Variants in MARCHF4 observed in about 807,000 individuals in gnomAD.
MARCHF4 encodes membrane associated ring-CH-type finger 4.
In MARCHF4, 14 loss-of-function variants were observed where a neutral mutation model predicts 43.9. That is an observed-to-expected ratio of 0.32 (90% CI 0.21 to 0.50). MARCHF4 has a LOEUF of 0.50. Among genes scored for constraint, MARCHF4 ranks in the 20% least tolerant of loss-of-function variants. MARCHF4 has a pLI of 0.98. For missense variants in MARCHF4, 468 were observed against 536.7 expected, an observed-to-expected ratio of 0.87 and a Z score of 1.27; for synonymous variants, 226 against 213.3, an observed-to-expected ratio of 1.06 and a Z score of -0.52.
In MARCHF4 at chr2:216,326,944, T is replaced by C. The variant is rs567876736; in HGVS notation, c.516+42801A>G. Among the ~76,000 whole-genome samples, 480 of 152,164 alleles carry C rather than the reference T, an allele frequency of 3.2e-3. 1 individual carries two copies. The highest frequency in any genetic ancestry group is 0.011 in the African/African-American group (457 of 41,454). Reference sequence around the variant, plus strand: ...ACCTGCACATTGTGCACATGCACCCTAAAACTTAAAGTATAATAATAAAAA... The same window carrying C: ...ACCTGCACATTGTGCACATGCACCCCAAAACTTAAAGTATAATAATAAAAA... On this transcript the variant is annotated intron_variant, in intron 1 of 3. Transcript: ENST00000273067.
chr2:216,284,913 G>A (rs1435288301), intron 1 of MARCHF4, among the ~76,000 whole-genome samples: 2 of 152,174 alleles, frequency 1.3e-5, no homozygotes, highest in African/African-American at 2.4e-5. Flanking sequence ...CCTACTGGGA[G>A]TGGTCCCTGA....
At position 216,369,722 on chromosome 2, in the gene MARCHF4, GGAGAA is replaced by G. The variant is rs776075142; in HGVS notation, c.516+18_516+22del. The G allele has an allele frequency of 6.5e-7, 1 of 1,533,660 alleles. No homozygotes were observed. The highest frequency in any genetic ancestry group is 2.0e-5 in the Admixed American group (1 of 50,110). On this transcript the variant is annotated intron_variant, in intron 1 of 3. Transcript: ENST00000273067. The stretch of plus-strand genomic sequence containing the variant: ...AGACCTGAAAATACCACAGGAAGCA[GGAGAA>G]GAGAAAAGGGGACTCACCTGTTCTG...
chr2:216,327,571 G>A (rs2105967853), intron 1 of MARCHF4, among the ~76,000 whole-genome samples: 1 of 152,182 alleles, frequency 6.6e-6, no homozygotes, highest in Middle Eastern at 3.4e-3. Context: ...ACCTCTCTCA[G>A]TCACCTGTTT....
intron 3 of MARCHF4, among the ~76,000 whole-genome samples, chr2:216,268,452 G>A (rs1342288051): frequency 2.0e-5 from 3 of 152,192 alleles, no homozygotes; most frequent in Non-Finnish European, 4.4e-5. Flanking sequence ...CCCCCATGCT[G>A]TTCTTGTGAT....
At chr2:216,341,542 T>G (rs554287418) in intron 1 of MARCHF4, among the ~76,000 whole-genome samples, 2 of 152,304 alleles carry the variant, frequency 1.3e-5, no homozygotes, top group Admixed American at 1.3e-4. Context: ...GAGAGGAAAC[T>G]AATGGTTTTA....
chr2:216,336,978 C>A (rs140624359), intron 1 of MARCHF4, among the ~76,000 whole-genome samples: 2,776 of 151,388 alleles, frequency 0.018, 77 homozygotes, highest in African/African-American at 0.063. Flanking sequence ...AAGGTGAAAC[C>A]CCGTCTCTAC....
Position 216,369,859 on chromosome 2 carries a change from G to A in MARCHF4, c.402C>T (p.Ala134=), listed in dbSNP as rs553322627. Residue 134 remains alanine, a synonymous_variant, in exon 1 of 4, where the codon GCC becomes GCT. Transcript: ENST00000273067. ...TEPPASLLSS[A]SSDDFCKEKT... is the part of the protein sequence containing the mutation. The stretch of plus-strand genomic sequence containing the variant: ...TCTCCTTACAGAAGTCATCTGAGGA[G>A]GCACTGCTGAGCAGCGAGGCAGGTG... 1.9e-6 allele frequency: 3 copies of A among 1,614,078 alleles called. No individual in the cohort carries two copies. The South Asian group carries it at 3.3e-5, about 18-fold the overall frequency.
In MARCHF4 at chr2:216,293,920, C is replaced by CTAAATCA. The variant is rs1691352372; in HGVS notation, c.517-10192_517-10191insTGATTTA. Among the ~76,000 whole-genome samples the CTAAATCA allele has an allele frequency of 4.3e-5, 4 of 93,210 alleles. 1 individual carries two copies. In the South Asian group the frequency reaches 1.3e-3, roughly 30 times the overall value. 61.1% of individuals were successfully genotyped at this position (93,210 alleles called of 152,430 possible). On this transcript the variant is annotated intron_variant, in intron 1 of 3. Transcript: ENST00000273067. ...TACATTTATAATCATATCTGTATTT[C>CTAAATCA]TAATGACCTAAATGTGTAATATACT...
chr2:216,319,364 C>T (rs79655187), intron 1 of MARCHF4, among the ~76,000 whole-genome samples: 9,881 of 152,032 alleles, frequency 0.065, 1,082 homozygotes, highest in African/African-American at 0.23. Context: ...GGGCAATGGA[C>T]AGGGGGTGCT....
intron 2 of MARCHF4, among the ~76,000 whole-genome samples, chr2:216,282,879 T>C (rs1469269540): frequency 2.0e-5 from 3 of 152,216 alleles, no homozygotes; most frequent in African/African-American, 7.2e-5. Flanking sequence ...CCCATTTTTC[T>C]CTGCCTCCCT....
At chr2:216,328,941 G>A (rs1215213210) in intron 1 of MARCHF4, among the ~76,000 whole-genome samples, 1 of 152,130 alleles carries the variant, frequency 6.6e-6, no homozygotes, top group East Asian at 1.9e-4. Context: ...TGGAGGCTGA[G>A]GCACAAGAAT....
chr2:216,329,355 T>C (rs1054938432), intron 1 of MARCHF4, among the ~76,000 whole-genome samples: 1 of 152,144 alleles, frequency 6.6e-6, no homozygotes, highest in Non-Finnish European at 1.5e-5. Context: ...GACTCCAGCC[T>C]GGGTGACAGA....
intron 1 of MARCHF4, among the ~76,000 whole-genome samples, chr2:216,295,930 G>A (rs1445831253): frequency 6.6e-6 from 1 of 152,204 alleles, no homozygotes; most frequent in Admixed American, 6.5e-5. Flanking sequence ...GGTGGATCAC[G>A]TGGTCAGGAG....
intron 1 of MARCHF4, among the ~76,000 whole-genome samples, chr2:216,353,664 C>T (rs1471118544): frequency 6.6e-6 from 1 of 152,228 alleles, no homozygotes; most frequent in Non-Finnish European, 1.5e-5. Flanking sequence ...TCTCTTGCCT[C>T]AGCCTCCTGA....
intron 1 of MARCHF4, among the ~76,000 whole-genome samples, chr2:216,363,121 C>A (rs1360499350): frequency 6.6e-6 from 1 of 152,172 alleles, no homozygotes; most frequent in Non-Finnish European, 1.5e-5. Context: ...CAGTATCTCT[C>A]CTTTTTCTCT....
intron 3 of MARCHF4, among the ~76,000 whole-genome samples, chr2:216,265,147 G>A (rs1690824255): frequency 6.6e-6 from 1 of 152,188 alleles, no homozygotes; most frequent in Admixed American, 6.5e-5. Context: ...AAGGCTGCTG[G>A]TGAACAGAGG....
At chr2:216,351,412 A>G (rs186194648) in intron 1 of MARCHF4, 2 of 152,724 alleles carry the variant, frequency 1.3e-5, no homozygotes, top group Admixed American at 6.5e-5. Context: ...TGGCTGGTCC[A>G]AGTGCAGTGG....
chr2:216,319,176 C>A (rs992159096), intron 1 of MARCHF4, among the ~76,000 whole-genome samples: 4 of 151,930 alleles, frequency 2.6e-5, no homozygotes, highest in African/African-American at 9.7e-5. Flanking sequence ...AGTGTGGTGG[C>A]GGGTGCCTGT....
intron 1 of MARCHF4, among the ~76,000 whole-genome samples, chr2:216,291,940 T>C (rs965226577): frequency 6.6e-6 from 1 of 152,218 alleles, no homozygotes; most frequent in African/African-American, 2.4e-5. Context: ...CTCTGCCCAT[T>C]GCAGTGACTC....
Sources: allele counts gnomAD v4.1 joint callset (sites outside exome capture counted in the v4.1 genomes callset), GRCh38; gene constraint gnomAD v4.1.1; transcripts MANE v1.5; gene names NCBI Gene and HGNC (gene_info 2026-07-23, HGNC 2026-07-21).